Variants in ACBD6 observed in about 807,000 individuals in gnomAD.
ACBD6 encodes acyl-CoA-binding domain-containing protein 6.
Under a neutral mutation model 37.2 loss-of-function variants are expected in ACBD6, and 28 were observed. That is an observed-to-expected ratio of 0.75 (90% CI 0.56 to 1.03). The LOEUF is 1.03. ACBD6 is among the 50% of genes least tolerant of loss of function. The pLI, the probability that ACBD6 is intolerant of heterozygous loss-of-function variation, is 0.00. For synonymous variants in ACBD6, 113 were observed against 126.8 expected, an observed-to-expected ratio of 0.89 and a Z score of 0.73; for missense variants, 340 against 337.4, an observed-to-expected ratio of 1.01 and a Z score of -0.06.
chr1:180,472,326 GGTAAAC>G (rs1189222481), intron 3 of ACBD6, among the ~76,000 whole-genome samples: 1 of 152,158 alleles, frequency 6.6e-6, no homozygotes, highest in Admixed American at 6.5e-5. Context: ...ACACTTTATT[GGTAAAC>G]AAGAATGGCT....
At chr1:180,422,319 C>A (rs1648403138) in intron 4 of ACBD6, among the ~76,000 whole-genome samples, 1 of 152,036 alleles carries the variant, frequency 6.6e-6, no homozygotes, top group South Asian at 2.1e-4. Flanking sequence ...AATTCTCCTG[C>A]CTCTGACTTC....
chr1:180,395,083 A>G (rs1355823846), intron 6 of ACBD6, among the ~76,000 whole-genome samples: 3 of 152,228 alleles, frequency 2.0e-5, no homozygotes, highest in Admixed American at 2.0e-4. Flanking sequence ...GGCTAGAGAA[A>G]CAGGAATTCT....
At chr1:180,318,414 G>C (rs1650920170) in intron 6 of ACBD6, among the ~76,000 whole-genome samples, 1 of 151,920 alleles carries the variant, frequency 6.6e-6, no homozygotes, top group Non-Finnish European at 1.5e-5. Context: ...TGTTGTGCTG[G>C]CTGACACCTA....
intron 6 of ACBD6, among the ~76,000 whole-genome samples, chr1:180,381,236 G>A (rs1277077911): frequency 6.6e-6 from 1 of 152,166 alleles, no homozygotes; most frequent in African/African-American, 2.4e-5. Context: ...TAGATTTAAA[G>A]GGCGGGATAG....
intron 6 of ACBD6, among the ~76,000 whole-genome samples, chr1:180,341,376 A>G (rs964225180): frequency 1.2e-4 from 19 of 152,134 alleles, no homozygotes; most frequent in Non-Finnish European, 2.5e-4. Context: ...GCATGGTCCC[A>G]TTTTTGTTTT....
At chr1:180,442,765 A>G (rs1373649971) in intron 3 of ACBD6, among the ~76,000 whole-genome samples, 1 of 152,002 alleles carries the variant, frequency 6.6e-6, no homozygotes, top group Non-Finnish European at 1.5e-5. Flanking sequence ...TATCCAGTCT[A>G]TTTTTTACTT....
intron 6 of ACBD6, among the ~76,000 whole-genome samples, chr1:180,359,360 G>T (rs544544524): frequency 6.6e-6 from 1 of 151,246 alleles, no homozygotes; most frequent in East Asian, 1.9e-4. Flanking sequence ...GATTTTTTTT[G>T]GCCCCCCTCT....
At chr1:180,305,312 T>C (rs1179799023) in intron 7 of ACBD6, among the ~76,000 whole-genome samples, 9 of 152,052 alleles carry the variant, frequency 5.9e-5, no homozygotes, top group South Asian at 2.1e-4. Context: ...AGTGAACAGG[T>C]AACCTACGGA....
chr1:180,323,017 A>G (rs996887709), intron 6 of ACBD6, among the ~76,000 whole-genome samples: 2 of 151,734 alleles, frequency 1.3e-5, no homozygotes, highest in African/African-American at 2.4e-5. Flanking sequence ...CTCTCTTGGT[A>G]CTGCTTTCAC....
Position 180,502,272 on chromosome 1 carries a change from C to T in ACBD6, c.-6G>A. On this transcript the variant is annotated 5_prime_UTR_variant, in exon 1 of 8. Transcript: ENST00000367595. ...GGCAGGAATGATGAAGCCATGTCTC[C>T]TTGCTCGCTCCGTCCCTCTGTGTCC... 2.5e-6 allele frequency: 4 copies of T among 1,612,374 alleles called. 1 individual carries two copies. The highest frequency in any genetic ancestry group is 4.0e-4 in the Middle Eastern group (2 of 4,956).
At chr1:180,274,337 C>T in intron 10 of ACBD6, 1 of 1,614,220 alleles carries the variant, frequency 6.2e-7, no homozygotes, top group Non-Finnish European at 8.5e-7. Context: ...CTATGGAATC[C>T]CCCAGTCTCC....
intron 6 of ACBD6, among the ~76,000 whole-genome samples, chr1:180,334,677 T>C (rs1487416584): frequency 1.3e-5 from 2 of 151,770 alleles, no homozygotes; most frequent in Non-Finnish European, 2.9e-5. Context: ...CTTTGATGAG[T>C]TGAGAGAAGA....
intron 5 of ACBD6, among the ~76,000 whole-genome samples, chr1:180,398,554 G>A (rs1038509674): frequency 5.9e-5 from 9 of 152,156 alleles, no homozygotes; most frequent in African/African-American, 1.9e-4. Context: ...ACTTGTAAAA[G>A]AGAATGGATG....
Position 180,300,112 on chromosome 1 carries a change from T to C in ACBD6, c.695-11595A>G, listed in dbSNP as rs140033836. ...ACAACTGCTATAATCAGAAGAGCTG[T>C]CAACACAAGGACAGCTGTCAAGCCC... On this transcript the variant is annotated intron_variant, in intron 7 of 7. Transcript: ENST00000367595. Among the ~76,000 whole-genome samples the C allele has an allele frequency of 8.6e-4, 131 of 152,232 alleles. 1 individual carries two copies. Among genetic ancestry groups the C allele is most frequent in the Admixed American group, 2.1e-3 (32 of 15,282 alleles).
chr1:180,502,575 A>C lies in ACBD6; in HGVS notation c.-309T>G. 2.4e-6 allele frequency: 1 copy of C among 414,496 alleles called. No individual in the cohort carries two copies. The allele number at this position is 414,496 out of a possible 1,614,324, so 25.7% of individuals were successfully genotyped here. A position where few individuals can be genotyped will look rare whatever the true frequency, so the allele number is the denominator to read the frequency against. On this transcript the variant is annotated 5_prime_UTR_variant, in exon 1 of 8. Transcript: ENST00000367595. ...TCCAACGGAACAGGAGTCGAGGGGC[A>C]GTGAGGCCGGGATGCGTGCGAGCGC...
chr1:180,313,482 C>T (rs1397791092), intron 7 of ACBD6, among the ~76,000 whole-genome samples: 1 of 152,108 alleles, frequency 6.6e-6, no homozygotes, highest in African/African-American at 2.4e-5. Context: ...GCTTGAAATA[C>T]CTTAGTTGAT....
chr1:180,298,145 T>TAA (rs1338570266), intron 7 of ACBD6, among the ~76,000 whole-genome samples: 2 of 152,198 alleles, frequency 1.3e-5, no homozygotes, highest in African/African-American at 4.8e-5. Flanking sequence ...CAATCTCTTA[T>TAA]AAAATACAAC....
chr1:180,415,443 A>G (rs1190918238), intron 4 of ACBD6, among the ~76,000 whole-genome samples: 1 of 152,080 alleles, frequency 6.6e-6, no homozygotes, highest in Non-Finnish European at 1.5e-5. Flanking sequence ...CATGTCTATG[A>G]AAGAATACCT....
intron 3 of ACBD6, among the ~76,000 whole-genome samples, chr1:180,445,398 A>G (rs1649435808): frequency 6.6e-6 from 1 of 152,238 alleles, no homozygotes; most frequent in Non-Finnish European, 1.5e-5. Context: ...AGAAAAAGAG[A>G]TAGAAAACTA....
Sources: allele counts gnomAD v4.1 joint callset (sites outside exome capture counted in the v4.1 genomes callset), GRCh38; gene constraint gnomAD v4.1.1; transcripts MANE v1.5; gene names NCBI Gene and HGNC (gene_info 2026-07-23, HGNC 2026-07-21).